The following CCAR2 variants were observed in gnomAD, a reference collection of about 807,000 sequenced individuals.
CCAR2 encodes the protein cell cycle and apoptosis regulator 2, also known as cell cycle and apoptosis regulator protein 2.
CCAR2 carries 21 observed loss-of-function variants against 108.1 expected under a neutral mutation model. The observed-to-expected ratio is 0.19, with a 90% CI of 0.14 to 0.28. The LOEUF (loss-of-function observed/expected upper bound fraction) is 0.28, where lower values mean the gene tolerates loss of function less well. Among genes scored for constraint, CCAR2 ranks in the 10% least tolerant of loss-of-function variants. The pLI, the probability that CCAR2 is intolerant of heterozygous loss-of-function variation, is 1.00. For missense variants in CCAR2, 1,126 were observed against 1,177.0 expected (o/e 0.96, Z 0.63); for synonymous variants, 577 against 472.8 (o/e 1.22, Z -2.86).
At chr8:22,617,675 T>C (rs1057093849) in intron 15 of CCAR2, 21 bp from the exon 16 acceptor site, 1 of 1,614,072 alleles carries the variant, frequency 6.2e-7, no homozygotes, top group Non-Finnish European at 8.5e-7. Flanking sequence ...CTGCTCTCCA[T>C]TTATCTTGGC....
At position 22,604,766 on chromosome 8, in the gene CCAR2, T is replaced by G. The variant is rs1223943959; in HGVS notation, c.-115T>G. On this transcript the variant is annotated 5_prime_UTR_variant, in exon 1 of 21. Coordinates refer to ENST00000308511, the MANE Select transcript of CCAR2 (RefSeq NM_001393997.1). The stretch of plus-strand genomic sequence containing the variant: ...GTGGTCGCGCTTCCGGAGAGGCGCT[T>G]CCGGTGGCGGCGGCAGCAGCGGCTG... The G allele has an allele frequency of 1.5e-5, 7 of 456,118 alleles. No homozygotes were observed. The highest frequency in any genetic ancestry group is 1.4e-4 in the East Asian group (2 of 14,364). The allele number at this position is 456,118 out of a possible 1,614,324, so 28.3% of individuals were successfully genotyped here. A position where few individuals can be genotyped will look rare whatever the true frequency, so the allele number is the denominator to read the frequency against.
chr8:22,619,618 A>ACAT lies in CCAR2; in HGVS notation c.2728-15_2728-13dup, dbSNP rs10543261. 11 of 1,563,466 alleles carry ACAT rather than the reference A, an allele frequency of 7.0e-6. No individual in the cohort carries two copies. In the East Asian group the frequency reaches 1.2e-4, roughly 17 times the overall value. ...CACCTTGCCAGGCCCGATTCTGGGT[A>ACAT]CATCATCTGTTTCAAACAGGCTGAC... is the stretch of plus-strand genomic sequence containing the variant. On this transcript the variant is annotated intron_variant, in intron 20 of 20. Transcript: ENST00000308511.
chr8:22,609,403 C>G (rs545958116), intron 7 of CCAR2, among the ~76,000 whole-genome samples: 1 of 152,340 alleles, frequency 6.6e-6, no homozygotes, highest in South Asian at 2.1e-4. Flanking sequence ...CTTCCCACCT[C>G]AGCCTCCCAA....
rs201059451 is a variant in CCAR2, at chr8:22,618,947, G to A, written c.2453G>A (p.Arg818His). The change falls in exon 19 of 21, where the codon CGC becomes CAC. Residue 818 changes from arginine (R) to histidine (H), a missense_variant. By Grantham distance (29) the Arg-to-His change is conservative. Transcript: ENST00000308511. ...ATTAACGTGGGGAGCCTGCTGCAGCGCGCGGAGCAGCAGGACAGCGGCCGG... is the reference window on the plus strand; with the variant it reads ...ATTAACGTGGGGAGCCTGCTGCAGCACGCGGAGCAGCAGGACAGCGGCCGG... ...SLINVGSLLQ[R>H]AEQQDSGRLY... The A allele has an allele frequency of 1.7e-5, 28 of 1,613,572 alleles. No homozygotes were observed. The highest frequency in any genetic ancestry group is 2.2e-5 in the East Asian group (1 of 44,892).
intron 7 of CCAR2, among the ~76,000 whole-genome samples, chr8:22,611,982 T>C (rs1400824846): frequency 1.3e-5 from 2 of 152,088 alleles, no homozygotes; most frequent in Admixed American, 1.3e-4. Context: ...TATCGCTTTG[T>C]TGCCCAGGCT....
intron 3 of CCAR2, 52 bp from the exon 4 acceptor site, chr8:22,606,555 A>AT (rs747394985): frequency 6.9e-7 from 1 of 1,454,712 alleles, no homozygotes; most frequent in Admixed American, 1.7e-5. Flanking sequence ...GCAGAGTGTG[A>AT]TTTTGTCCAG....
Position 22,609,712 on chromosome 8 carries a change from C to T in CCAR2, c.584+1647C>T, listed in dbSNP as rs141984464. 1.1e-3 allele frequency among the ~76,000 whole-genome samples: 160 copies of T among 152,240 alleles called. 2 individuals carry two copies. The East Asian group carries it at 0.029, about 28-fold the overall frequency. On this transcript the variant is annotated intron_variant, in intron 7 of 20. Coordinates refer to ENST00000308511, the MANE Select transcript of CCAR2 (RefSeq NM_001393997.1). ...ATTACAAAATCACAGCAGGTGCCTT[C>T]TGAGACGGTGTAGCCTGGGTGAAAC... is the stretch of plus-strand genomic sequence containing the variant.
At chr8:22,618,528 A>G in intron 17 of CCAR2, 33 bp downstream of exon 17, 1 of 1,614,064 alleles carries the variant, frequency 6.2e-7, no homozygotes, top group Non-Finnish European at 8.5e-7. Context: ...GCACATGGGC[A>G]CAGGCCTGCA....
chr8:22,610,963 CGTA>C (rs1460670412), intron 7 of CCAR2, among the ~76,000 whole-genome samples: 1 of 151,914 alleles, frequency 6.6e-6, no homozygotes, highest in Non-Finnish European at 1.5e-5. Context: ...GCACTTATAA[CGTA>C]GTTATAGTGT....
chr8:22,614,573 C>T lies in CCAR2; in HGVS notation c.1041+70C>T, dbSNP rs775731845. On this transcript the variant is annotated intron_variant, in intron 10 of 20. Coordinates refer to ENST00000308511, the MANE Select transcript of CCAR2 (RefSeq NM_001393997.1). Reference sequence around the variant, plus strand: ...CACAACCTGTCATGTTTTGAGTGTTCGGCTCCTGTTCCTGAATGCATAAAA... The same window carrying T: ...CACAACCTGTCATGTTTTGAGTGTTTGGCTCCTGTTCCTGAATGCATAAAA... 1.1e-5 allele frequency: 15 copies of T among 1,400,158 alleles called. 1 individual carries two copies. The highest frequency in any genetic ancestry group is 5.8e-5 in the South Asian group (5 of 85,738). The allele number at this position is 1,400,158 out of a possible 1,614,324, so 86.7% of individuals were successfully genotyped here.
chr8:22,613,855 C>T, intron 8 of CCAR2: 3 of 527,414 alleles, frequency 5.7e-6, no homozygotes, highest in Non-Finnish European at 1.0e-5. Context: ...AAGGCAATGA[C>T]CCATTTCTCT....
chr8:22,607,161 G>A, intron 5 of CCAR2, 35 bp from the exon 6 acceptor site: 1 of 1,612,380 alleles, frequency 6.2e-7, no homozygotes, highest in Non-Finnish European at 8.5e-7. Context: ...CCTCAACCAT[G>A]GGGTCCCCTG....
rs199873807 is a variant in CCAR2, at chr8:22,614,158, G to C, written c.771G>C (p.Leu257=). ...GCCTCCTGGTCCCCTCAGATTTTCT[G>C]TCCGTGCATCTGAGTTGGCTATCAG... The part of the protein sequence containing the change: ...YRSLLVPSDF[L]SVHLSWLSAF... The change falls in exon 9 of 21, where the codon CTG becomes CTC. Residue 257 remains leucine, a synonymous_variant. Transcript: ENST00000308511. 23 of 1,613,924 alleles carry C rather than the reference G, an allele frequency of 1.4e-5. No individual in the cohort carries two copies. Among genetic ancestry groups the C allele is most frequent in the Middle Eastern group, 1.6e-4 (1 of 6,084 alleles).
At chr8:22,621,049 T>TTTTGGAGGTAGA (rs879300602), downstream of CCAR2, 12 of 183,096 alleles carry the variant, frequency 6.6e-5, no homozygotes, top group Non-Finnish European at 1.4e-4. Context: ...AGGATGGGTC[T>TTTTGGAGGTAGA]TTTGGAGGTA....
chr8:22,617,282 C>A, intron 14 of CCAR2, 138 bp from the exon 15 acceptor site: 1 of 984,364 alleles, frequency 1.0e-6, no homozygotes. Context: ...AAATTAAATA[C>A]ATGAAATGAG....
Position 22,606,078 on chromosome 8 carries a change from C to T in CCAR2, c.59-7C>T. 6.2e-7 allele frequency: 1 copy of T among 1,612,166 alleles called. No homozygotes were observed. Among genetic ancestry groups the T allele is most frequent in the Non-Finnish European group, 8.5e-7 (1 of 1,178,240 alleles). ...GGTTCCTGGAGATTGCTTCTCTTTCCCCATAGGCACAGCTTCAACATCTCT... is the reference window on the plus strand; with the variant it reads ...GGTTCCTGGAGATTGCTTCTCTTTCTCCATAGGCACAGCTTCAACATCTCT... On this transcript the variant is annotated splice_polypyrimidine_tract_variant and splice_region_variant and intron_variant, in intron 2 of 20. Coordinates refer to ENST00000308511, the MANE Select transcript of CCAR2 (RefSeq NM_001393997.1).
At chr8:22,615,139 G>T in intron 11 of CCAR2, 138 bp downstream of exon 11, 1 of 1,208,330 alleles carries the variant, frequency 8.3e-7, no homozygotes, top group Non-Finnish European at 1.1e-6. Context: ...TGGTGCCTCA[G>T]GGTAGGGTGG....
intron 16 of CCAR2, 139 bp from the exon 17 acceptor site, chr8:22,618,210 C>A: frequency 1.8e-6 from 2 of 1,126,608 alleles, no homozygotes; most frequent in South Asian, 1.4e-5. Context: ...CCTGCCTTAG[C>A]CTCCCCAGCA....
At chr8:22,613,355 C>CTT (rs5890057) in intron 8 of CCAR2, among the ~76,000 whole-genome samples, 1,537 of 125,736 alleles carry the variant, frequency 0.012, 40 homozygotes, top group East Asian at 0.053. Context: ...AGATCTAGTT[C>CTT]TTTTTTTTTT....
Sources: gnomAD v4.1 joint callset for allele counts (sites outside exome capture counted in the v4.1 genomes callset) on GRCh38, gnomAD v4.1.1 for gene constraint, MANE v1.5 for transcripts, NCBI Gene and HGNC (gene_info 2026-07-23, HGNC 2026-07-21) for gene names.